The following SNTG1 variants were observed in gnomAD, a reference collection of about 807,000 sequenced individuals.
The protein encoded by SNTG1 is gamma-1-syntrophin.
In SNTG1, 39 loss-of-function variants were observed where a neutral mutation model predicts 74.7. That is an observed-to-expected ratio of 0.52 (90% CI 0.40 to 0.68). The LOEUF (loss-of-function observed/expected upper bound fraction) is 0.68. Among genes scored for constraint, SNTG1 ranks in the 30% least tolerant of loss-of-function variants. The pLI, the probability that SNTG1 is intolerant of heterozygous loss-of-function variation, is 0.00. For synonymous variants in SNTG1, 254 were observed against 217.1 expected, an observed-to-expected ratio of 1.17 and a Z score of -1.49; for missense variants, 685 against 609.5, an observed-to-expected ratio of 1.12 and a Z score of -1.30.
At chr8:49,982,864 G>C (rs775554282) in intron 1 of SNTG1, among the ~76,000 whole-genome samples, 57 of 152,106 alleles carry the variant, frequency 3.7e-4, no homozygotes, top group Non-Finnish European at 6.2e-4. Flanking sequence ...TTCAGAATTA[G>C]TATTAAATTG....
chr8:50,376,756 T>TATATATATATATATAGAGAGAG (rs1381048539), intron 2 of SNTG1, among the ~76,000 whole-genome samples: 57 of 89,922 alleles, frequency 6.3e-4, no homozygotes, highest in Non-Finnish European at 1.0e-3. Context: ...TATATATATA[T>TATATATATATATATAGAGAGAG]AGAGAGAGAG....
chr8:50,697,264 TG>T (rs1464234151), intron 15 of SNTG1, among the ~76,000 whole-genome samples: 1 of 152,182 alleles, frequency 6.6e-6, no homozygotes, highest in African/African-American at 2.4e-5. Context: ...TACTGATTTT[TG>T]TATGTTAATT....
chr8:50,563,328 A>G (rs2094498498), intron 12 of SNTG1, among the ~76,000 whole-genome samples: 1 of 152,192 alleles, frequency 6.6e-6, no homozygotes, highest in South Asian at 2.1e-4. Flanking sequence ...TGTAAAGAAA[A>G]ATGAAGACAG....
chr8:50,433,395 G>A (rs1299810890), intron 4 of SNTG1, among the ~76,000 whole-genome samples: 3 of 151,890 alleles, frequency 2.0e-5, no homozygotes, highest in African/African-American at 7.3e-5. Flanking sequence ...ATGGTGAACA[G>A]GGATATCCTG....
In SNTG1 at chr8:50,379,635, G is replaced by A. The variant is rs111918073; in HGVS notation, c.-27-14577G>A. ...TGCAGCTGACCTGATGGCAACTGCCGCTCCAGACAGCCTGCTGCTGCCAAC... is the reference window on the plus strand; with the variant it reads ...TGCAGCTGACCTGATGGCAACTGCCACTCCAGACAGCCTGCTGCTGCCAAC... On this transcript the variant is annotated intron_variant, in intron 2 of 18. Coordinates refer to ENST00000642720, the MANE Select transcript of SNTG1 (RefSeq NM_018967.5). Among the ~76,000 whole-genome samples the A allele has an allele frequency of 6.2e-3, 940 of 152,354 alleles. 7 individuals are homozygous for A. The highest frequency in any genetic ancestry group is 0.017 in the African/African-American group (701 of 41,586).
At chr8:50,782,065 G>A (rs994542320) in intron 18 of SNTG1, among the ~76,000 whole-genome samples, 7 of 152,254 alleles carry the variant, frequency 4.6e-5, no homozygotes, top group African/African-American at 1.2e-4. Context: ...AGTTTCTGCC[G>A]AGATATCCAC....
intron 1 of SNTG1, among the ~76,000 whole-genome samples, chr8:50,043,165 G>A (rs1012150781): frequency 6.6e-6 from 1 of 152,040 alleles, no homozygotes; most frequent in Admixed American, 6.6e-5. Flanking sequence ...CATTTAGGGA[G>A]AACATGTAAA....
Position 49,917,654 on chromosome 8 carries a change from T to C in SNTG1, c.-103+5423T>C, listed in dbSNP as rs181868180. ...CTCATTTCTCCAGATAAATCCCCCA[T>C]GCTTTATATTCTCTTCCAAACATAC... On this transcript the variant is annotated intron_variant, in intron 1 of 18. Transcript: ENST00000642720. Among the ~76,000 whole-genome samples the C allele has an allele frequency of 2.4e-3, 364 of 152,318 alleles. 2 individuals are homozygous for C. Among genetic ancestry groups the C allele is most frequent in the Admixed American group, 5.9e-3 (90 of 15,284 alleles).
intron 1 of SNTG1, among the ~76,000 whole-genome samples, chr8:50,132,983 A>AC (rs760503814): frequency 5.3e-5 from 8 of 152,168 alleles, no homozygotes; most frequent in Non-Finnish European, 2.9e-5. Flanking sequence ...CGTCTCCAGG[A>AC]CATAGTATCT....
intron 4 of SNTG1, among the ~76,000 whole-genome samples, chr8:50,427,279 A>G (rs966928802): frequency 2.0e-5 from 3 of 152,226 alleles, no homozygotes; most frequent in African/African-American, 7.2e-5. Context: ...AGCCAATTTT[A>G]CTAAGTAAGC....
At chr8:50,263,875 T>C (rs543347629) in intron 2 of SNTG1, among the ~76,000 whole-genome samples, 2 of 152,252 alleles carry the variant, frequency 1.3e-5, no homozygotes, top group South Asian at 4.1e-4. Flanking sequence ...CACTCAGTGA[T>C]TGCGGCATAC....
chr8:50,253,826 C>A (rs2086754885), intron 2 of SNTG1, among the ~76,000 whole-genome samples: 1 of 151,072 alleles, frequency 6.6e-6, no homozygotes, highest in African/African-American at 2.4e-5. Flanking sequence ...ACAGAAAGGT[C>A]ACAAGATCTC....
At chr8:50,214,592 T>C (rs1228422699) in intron 2 of SNTG1, among the ~76,000 whole-genome samples, 2 of 151,984 alleles carry the variant, frequency 1.3e-5, no homozygotes, top group Non-Finnish European at 2.9e-5. Flanking sequence ...GTCAAGAAAA[T>C]ACATTTCGTG....
intron 2 of SNTG1, among the ~76,000 whole-genome samples, chr8:50,244,567 G>A (rs1458256659): frequency 6.6e-6 from 1 of 152,104 alleles, no homozygotes; most frequent in Non-Finnish European, 1.5e-5. Flanking sequence ...ATTCTAGGTT[G>A]AGCATGTTTA....
chr8:50,313,381 C>T lies in SNTG1; in HGVS notation c.-27-80831C>T, dbSNP rs568346878. On this transcript the variant is annotated intron_variant, in intron 2 of 18. Transcript: ENST00000642720. ...ACAATTTAACAGGGCAGAAAGACAA[C>T]CATAGATAGAGAAAAATATTTGCAA... is the stretch of plus-strand genomic sequence containing the variant. Among the ~76,000 whole-genome samples the T allele has an allele frequency of 1.1e-4, 17 of 149,446 alleles. 2 individuals carry two copies. The highest frequency in any genetic ancestry group is 4.0e-4 in the African/African-American group (16 of 40,006).
intron 2 of SNTG1, among the ~76,000 whole-genome samples, chr8:50,258,063 C>T (rs1035493627): frequency 2.0e-5 from 3 of 152,210 alleles, no homozygotes; most frequent in African/African-American, 7.2e-5. Flanking sequence ...TCTGCACATG[C>T]AAGAAAACAG....
chr8:50,151,140 G>T (rs2082054607), intron 1 of SNTG1, among the ~76,000 whole-genome samples: 1 of 152,254 alleles, frequency 6.6e-6, no homozygotes, highest in South Asian at 2.1e-4. Context: ...TTAGTCTTGG[G>T]ATGGTGTATG....
chr8:50,669,036 C>T (rs568057793), intron 15 of SNTG1, among the ~76,000 whole-genome samples: 1 of 151,940 alleles, frequency 6.6e-6, no homozygotes, highest in African/African-American at 2.4e-5. Flanking sequence ...ACATTCAAAG[C>T]AGAGTGTAGA....
intron 2 of SNTG1, among the ~76,000 whole-genome samples, chr8:50,224,163 T>A (rs1354488348): frequency 1.3e-5 from 2 of 152,170 alleles, no homozygotes; most frequent in African/African-American, 2.4e-5. Flanking sequence ...ATAATGTACA[T>A]TACAGAAAAC....
Sources: allele counts gnomAD v4.1 joint callset (sites outside exome capture counted in the v4.1 genomes callset), GRCh38; gene constraint gnomAD v4.1.1; transcripts MANE v1.5; gene names NCBI Gene and HGNC (gene_info 2026-07-23, HGNC 2026-07-21).